DLG2: variants seen among roughly 807,000 people sequenced by gnomAD.
DLG2 encodes discs large MAGUK scaffold protein 2, also known as disks large homolog 2.
DLG2 carries 45 observed loss-of-function variants against 132.5 expected under a neutral mutation model. That is an observed-to-expected ratio of 0.34 (90% CI 0.27 to 0.44). The LOEUF is 0.44. Ranked by LOEUF, DLG2 falls within the 20% of genes least tolerant of loss-of-function variation. DLG2 has a pLI of 1.00. For synonymous variants in DLG2, 424 were observed against 419.6 expected, an observed-to-expected ratio of 1.01 and a Z score of -0.13; for missense variants, 1,045 against 1,196.9, an observed-to-expected ratio of 0.87 and a Z score of 1.87.
intron 6 of DLG2, among the ~76,000 whole-genome samples, chr11:84,559,858 A>G (rs1384201922): frequency 2.6e-5 from 4 of 152,176 alleles, no homozygotes; most frequent in Admixed American, 2.6e-4. Flanking sequence ...GATTAAATCA[A>G]TAGTTACTGA....
intron 6 of DLG2, among the ~76,000 whole-genome samples, chr11:84,708,970 G>T (rs1312552895): frequency 6.6e-6 from 1 of 151,862 alleles, no homozygotes. Context: ...TAGGAAAAAA[G>T]TTGTCTAGTT....
intron 7 of DLG2, among the ~76,000 whole-genome samples, chr11:84,334,388 A>G (rs1159661629): frequency 6.6e-6 from 1 of 152,154 alleles, no homozygotes; most frequent in Non-Finnish European, 1.5e-5. Flanking sequence ...AAGTTACTTA[A>G]TTGCCATCCT....
At chr11:85,062,961 T>C (rs984254634) in intron 6 of DLG2, among the ~76,000 whole-genome samples, 4 of 151,750 alleles carry the variant, frequency 2.6e-5, no homozygotes, top group African/African-American at 9.7e-5. Context: ...TGGTATAACA[T>C]CCTGAAATGC....
intron 7 of DLG2, among the ~76,000 whole-genome samples, chr11:84,445,807 T>TC (rs1266187902): frequency 1.3e-5 from 2 of 150,102 alleles, no homozygotes; most frequent in African/African-American, 4.9e-5. Flanking sequence ...TCCCAGCTGC[T>TC]CGGGAGGCTG....
intron 11 of DLG2, among the ~76,000 whole-genome samples, chr11:84,024,897 A>G (rs2095498132): frequency 6.6e-6 from 1 of 151,924 alleles, no homozygotes; most frequent in Non-Finnish European, 1.5e-5. Context: ...TCTAAATCTC[A>G]AATGTTCTCA....
chr11:84,855,845 T>C (rs781424718), intron 6 of DLG2, among the ~76,000 whole-genome samples: 3 of 152,056 alleles, frequency 2.0e-5, no homozygotes, highest in South Asian at 2.1e-4. Flanking sequence ...CTTCAGGTCA[T>C]AGTTATTCAG....
chr11:84,931,091 C>T (rs1257561522), intron 6 of DLG2, among the ~76,000 whole-genome samples: 1 of 152,104 alleles, frequency 6.6e-6, no homozygotes, highest in African/African-American at 2.4e-5. Context: ...AGCTGAGCTT[C>T]CCCTCCTCTT....
At chr11:83,893,693 T>C (rs2070698539) in intron 15 of DLG2, among the ~76,000 whole-genome samples, 1 of 152,216 alleles carries the variant, frequency 6.6e-6, no homozygotes, top group Non-Finnish European at 1.5e-5. Flanking sequence ...CAATTGAGAG[T>C]ATTGCTTCCA....
intron 6 of DLG2, among the ~76,000 whole-genome samples, chr11:84,777,453 G>A (rs190660704): frequency 6.6e-6 from 1 of 151,096 alleles, no homozygotes; most frequent in Non-Finnish European, 1.5e-5. Context: ...CTTCTCCTCT[G>A]AGCAGATAGC....
At chr11:84,715,156 A>G (rs1360488904) in intron 6 of DLG2, among the ~76,000 whole-genome samples, 2 of 152,160 alleles carry the variant, frequency 1.3e-5, no homozygotes, top group Non-Finnish European at 2.9e-5. Flanking sequence ...TATTGAAGAT[A>G]CCTGATGTGT....
At chr11:85,227,244 T>C (rs1281308222) in intron 4 of DLG2, among the ~76,000 whole-genome samples, 1 of 152,118 alleles carries the variant, frequency 6.6e-6, no homozygotes, top group Admixed American at 6.6e-5. Context: ...AAATAAATGC[T>C]TTAAATAAAA....
At chr11:85,538,086 A>G (rs757949151) in intron 3 of DLG2, among the ~76,000 whole-genome samples, 1 of 151,962 alleles carries the variant, frequency 6.6e-6, no homozygotes, top group Non-Finnish European at 1.5e-5. Flanking sequence ...ACTGCACTCC[A>G]GCCTGGGTGA....
intron 3 of DLG2, among the ~76,000 whole-genome samples, chr11:85,325,212 C>T (rs1419544478): frequency 3.3e-5 from 5 of 151,480 alleles, no homozygotes; most frequent in African/African-American, 9.7e-5. Context: ...CCCGCCATTG[C>T]CCAGGCTTGC....
At chr11:83,972,219 T>C (rs966472060) in intron 12 of DLG2, among the ~76,000 whole-genome samples, 3 of 152,152 alleles carry the variant, frequency 2.0e-5, no homozygotes, top group African/African-American at 7.2e-5. Flanking sequence ...ATTTTGAACA[T>C]AGAATCAGAT....
intron 8 of DLG2, among the ~76,000 whole-genome samples, chr11:84,196,430 A>G (rs2096518907): frequency 6.6e-6 from 1 of 152,192 alleles, no homozygotes; most frequent in South Asian, 2.1e-4. Context: ...ACAACTCTCA[A>G]AGAGAATGAA....
intron 6 of DLG2, among the ~76,000 whole-genome samples, chr11:84,586,507 T>G (rs1226366123): frequency 6.6e-6 from 1 of 152,184 alleles, no homozygotes; most frequent in Non-Finnish European, 1.5e-5. Flanking sequence ...TAAGATCAAG[T>G]GTAGGCTTCT....
intron 4 of DLG2, among the ~76,000 whole-genome samples, chr11:85,220,637 A>AAAAAAAAAT (rs371263007): frequency 4.0e-4 from 60 of 148,316 alleles, no homozygotes; most frequent in Middle Eastern, 3.6e-3. Flanking sequence ...TAGAAAAAAA[A>AAAAAAAAAT]ATATATATAT....
At chr11:83,677,811 G>A (rs796247262) in intron 18 of DLG2, among the ~76,000 whole-genome samples, 10 of 152,222 alleles carry the variant, frequency 6.6e-5, no homozygotes, top group African/African-American at 2.4e-4. Flanking sequence ...AGATGAAAAG[G>A]AACTATTGGG....
intron 3 of DLG2, among the ~76,000 whole-genome samples, chr11:85,348,501 G>T (rs145651686): frequency 6.6e-6 from 1 of 152,166 alleles, no homozygotes; most frequent in African/African-American, 2.4e-5. Flanking sequence ...GGGATTACAG[G>T]CATGAGCCAC....
Sources: gnomAD v4.1 joint callset for allele counts (sites outside exome capture counted in the v4.1 genomes callset) on GRCh38, gnomAD v4.1.1 for gene constraint, MANE v1.5 for transcripts, NCBI Gene and HGNC (gene_info 2026-07-23, HGNC 2026-07-21) for gene names.